CDK17: variants seen among roughly 807,000 people sequenced by gnomAD.
CDK17 encodes the protein cyclin-dependent kinase 17.
CDK17 carries 24 observed loss-of-function variants against 77.6 expected under a neutral mutation model. The ratio of observed to expected loss-of-function variants is 0.31; its 90% CI spans 0.22 to 0.44. The LOEUF (loss-of-function observed/expected upper bound fraction) is 0.44. Among genes scored for constraint, CDK17 ranks in the 20% least tolerant of loss-of-function variants. The pLI is 1.00. For missense variants in CDK17, 429 were observed against 622.5 expected (o/e 0.69, Z 3.31); for synonymous variants, 203 against 210.4 (o/e 0.96, Z 0.30).
chr12:96,386,120 T>C (rs1002681932), intron 1 of CDK17, among the ~76,000 whole-genome samples: 1 of 151,886 alleles, frequency 6.6e-6, no homozygotes. Context: ...TCCAGAGGAG[T>C]AGCCAGGACT....
chr12:96,351,977 T>A (rs1198013811), intron 1 of CDK17, among the ~76,000 whole-genome samples: 1 of 151,992 alleles, frequency 6.6e-6, no homozygotes, highest in African/African-American at 2.4e-5. Flanking sequence ...AAGCTGAGGA[T>A]GCAAAGAAAA....
At chr12:96,385,652 G>T (rs1040809876) in intron 1 of CDK17, among the ~76,000 whole-genome samples, 1 of 151,608 alleles carries the variant, frequency 6.6e-6, no homozygotes, top group Non-Finnish European at 1.5e-5. Context: ...AACATAAAAA[G>T]GATCTTAAAC....
intron 1 of CDK17, among the ~76,000 whole-genome samples, chr12:96,340,918 C>T (rs1953112601): frequency 6.6e-6 from 1 of 152,066 alleles, no homozygotes; most frequent in South Asian, 2.1e-4. Flanking sequence ...TGGGGGTTTG[C>T]TGTGCAGATT....
intron 1 of CDK17, among the ~76,000 whole-genome samples, chr12:96,336,558 C>T (rs1304377937): frequency 6.6e-6 from 1 of 152,204 alleles, no homozygotes; most frequent in African/African-American, 2.4e-5. Flanking sequence ...GTTGCGACTG[C>T]ACTTTAATAA....
At chr12:96,383,013 A>ACT (rs1181847717) in intron 1 of CDK17, among the ~76,000 whole-genome samples, 1 of 152,162 alleles carries the variant, frequency 6.6e-6, no homozygotes, top group Non-Finnish European at 1.5e-5. Flanking sequence ...TATCTAGAAA[A>ACT]CTCTAAAGAC....
At chr12:96,389,576 C>A (rs1341243099) in intron 1 of CDK17, among the ~76,000 whole-genome samples, 2 of 152,080 alleles carry the variant, frequency 1.3e-5, no homozygotes, top group East Asian at 3.9e-4. Flanking sequence ...ACACACAATA[C>A]CCCACTGTTT....
chr12:96,350,229 T>C (rs10860020), intron 1 of CDK17, among the ~76,000 whole-genome samples: 130,991 of 152,004 alleles, frequency 0.86, 56,445 homozygotes, highest in African/African-American at 0.87. Flanking sequence ...TATCAAAATT[T>C]CAATGGTGCT....
intron 1 of CDK17, among the ~76,000 whole-genome samples, chr12:96,356,646 A>G (rs1057067800): frequency 3.9e-5 from 6 of 152,216 alleles, no homozygotes; most frequent in Non-Finnish European, 5.9e-5. Flanking sequence ...GAACCCCTAC[A>G]TGAAATGATA....
chr12:96,329,696 C>T (rs887597539), intron 2 of CDK17, among the ~76,000 whole-genome samples: 2 of 152,170 alleles, frequency 1.3e-5, no homozygotes, highest in African/African-American at 4.8e-5. Context: ...ATGTTATCCA[C>T]TGTTGTAAAA....
At chr12:96,290,160 T>C (rs988084857) in intron 10 of CDK17, among the ~76,000 whole-genome samples, 3 of 152,252 alleles carry the variant, frequency 2.0e-5, no homozygotes, top group African/African-American at 7.2e-5. Context: ...GTAAGTGATA[T>C]AAAACATTTG....
At chr12:96,374,733 A>G (rs1396382214) in intron 1 of CDK17, among the ~76,000 whole-genome samples, 1 of 152,236 alleles carries the variant, frequency 6.6e-6, no homozygotes, top group East Asian at 1.9e-4. Flanking sequence ...GTAAGTTCAG[A>G]TGGGCTGAAT....
At chr12:96,366,858 C>T (rs1953592195) in intron 1 of CDK17, among the ~76,000 whole-genome samples, 1 of 152,156 alleles carries the variant, frequency 6.6e-6, no homozygotes, top group Admixed American at 6.6e-5. Flanking sequence ...AAGATATCAA[C>T]TACACAAGTC....
At chr12:96,374,250 T>A (rs1350196662) in intron 1 of CDK17, among the ~76,000 whole-genome samples, 2 of 152,206 alleles carry the variant, frequency 1.3e-5, no homozygotes, top group African/African-American at 4.8e-5. Flanking sequence ...TGCAAACACA[T>A]TTTCCCACTA....
intron 2 of CDK17, among the ~76,000 whole-genome samples, chr12:96,332,089 C>T (rs2137138906): frequency 6.6e-6 from 1 of 152,276 alleles, no homozygotes; most frequent in Middle Eastern, 3.4e-3. Context: ...TTTAGATACA[C>T]TTAGATACAC....
In CDK17 at chr12:96,283,631, C is replaced by T. The variant is rs1399204422; in HGVS notation, c.1337G>A (p.Gly446Glu). The change falls in exon 14 of 17, where the codon GGA becomes GAA. Residue 446 changes from glycine to glutamate, a missense_variant. By Grantham distance (98) the Gly-to-Glu change is moderately conservative. Transcript: ENST00000261211. ...INHAPRLDSE[G>E]IELITKFLQY... ...AAGAAATTTTGTTATCAACTCAATTCCTTCAGAGTCTAACCTAGAAACAAC... is the reference window on the plus strand; with the variant it reads ...AAGAAATTTTGTTATCAACTCAATTTCTTCAGAGTCTAACCTAGAAACAAC... The T allele has an allele frequency of 1.3e-6, 2 of 1,599,420 alleles. No individual in the cohort carries two copies. The highest frequency in any genetic ancestry group is 1.3e-5 in the African/African-American group (1 of 74,570).
At chr12:96,355,551 C>T (rs549748809) in intron 1 of CDK17, among the ~76,000 whole-genome samples, 14 of 151,910 alleles carry the variant, frequency 9.2e-5, no homozygotes, top group Admixed American at 2.6e-4. Flanking sequence ...ACTACAGGCA[C>T]GCGCTACCAT....
intron 16 of CDK17, chr12:96,280,570 C>G (rs1952163935): frequency 1.4e-6 from 2 of 1,411,384 alleles, no homozygotes. Context: ...GGTCTTTGTG[C>G]CATCTGCAGC....
intron 1 of CDK17, chr12:96,398,996 GAAGA>G (rs1012858880): frequency 6.6e-6 from 1 of 152,226 alleles, no homozygotes; most frequent in African/African-American, 2.4e-5. Flanking sequence ...AGGGTGGGAG[GAAGA>G]GAGAGAAGTT....
rs1952242901 is a variant in CDK17, at chr12:96,286,079, T to A, written c.1286A>T (p.Lys429Ile). The A allele has an allele frequency of 3.2e-6, 5 of 1,560,852 alleles. No individual in the cohort carries two copies. In the African/African-American group the frequency reaches 5.5e-5, roughly 17 times the overall value. ...GTTAATTAGAGGCTGTGGTTTATAT[T>A]TTGGAAAGTTGTAGTTCTTGAACTC... ...NEEFKNYNFP[K>I]YKPQPLINHA... The change falls in exon 13 of 17, where the codon AAA becomes ATA. Residue 429 changes from lysine to isoleucine, a missense_variant. Around this residue, in one of 4 missense-constraint regions of CDK17, gnomAD observed 115 missense variants for 124.2 expected, o/e 0.93. Coordinates refer to ENST00000261211, the MANE Select transcript of CDK17 (RefSeq NM_002595.5).
Sources: gnomAD v4.1 joint callset for allele counts (sites outside exome capture counted in the v4.1 genomes callset) on GRCh38, gnomAD v4.1.1 for gene constraint, gnomAD v4.1.1 regional missense constraint, MANE v1.5 for transcripts, NCBI Gene and HGNC (gene_info 2026-07-23, HGNC 2026-07-21) for gene names.